The following BCL2L11 variants were observed in gnomAD, a reference collection of about 807,000 sequenced individuals.
BCL2L11 encodes bcl-2-like protein 11.
A neutral mutation model predicts 20.6 loss-of-function variants in BCL2L11; 15 were observed. The observed-to-expected ratio is 0.73, with a 90% confidence interval of 0.49 to 1.12. The LOEUF (loss-of-function observed/expected upper bound fraction) is 1.12, where lower values mean the gene tolerates loss of function less well. BCL2L11 is among the 50% of genes most tolerant of loss of function. The pLI is 0.00. For synonymous variants in BCL2L11, 108 were observed against 92.8 expected, an observed-to-expected ratio of 1.16 and a Z score of -0.94; for missense variants, 292 against 260.9, an observed-to-expected ratio of 1.12 and a Z score of -0.82.
Position 111,164,270 on chromosome 2 carries a change from T to C in BCL2L11, c.*39T>C. ...GAGCCGAGATACCATGCAGACATTT[T>C]GCTTGTTCAAACCAACAAGACCCAG... On this transcript the variant is annotated 3_prime_UTR_variant, in exon 4 of 4. Coordinates refer to ENST00000393256, the MANE Select transcript of BCL2L11 (RefSeq NM_138621.5). The C allele has an allele frequency of 6.7e-7, 1 of 1,493,526 alleles. No homozygotes were observed. Among genetic ancestry groups the C allele is most frequent in the Non-Finnish European group, 9.3e-7 (1 of 1,070,368 alleles). The allele number at this position is 1,493,526 out of a possible 1,614,324, so 92.5% of individuals were successfully genotyped here. A position where few individuals can be genotyped will look rare whatever the true frequency, so the allele number is the denominator to read the frequency against.
chr2:111,161,778 T>G (rs1409750103), intron 3 of BCL2L11, among the ~76,000 whole-genome samples: 1 of 152,226 alleles, frequency 6.6e-6, no homozygotes, highest in Non-Finnish European at 1.5e-5. Flanking sequence ...AAATTCCATC[T>G]TAGGGGGCTT....
rs113116718 is a variant in BCL2L11 at position 111,135,037 on chromosome 2, C to G, written c.394+10898C>G. ...TCAGCATCTTGAATCTGGAGTTTCA[C>G]GTTTTATGCCAGGTTTGGGAAGTTT... On this transcript the variant is annotated intron_variant, in intron 2 of 3. Coordinates refer to ENST00000393256, the MANE Select transcript of BCL2L11 (RefSeq NM_138621.5). Among the ~76,000 whole-genome samples the G allele has an allele frequency of 2.4e-3, 364 of 152,218 alleles. 1 individual carries two copies. The highest frequency in any genetic ancestry group is 0.022 in the South Asian group (108 of 4,822).
intron 3 of BCL2L11, among the ~76,000 whole-genome samples, chr2:111,156,465 C>A (rs1358321389): frequency 6.6e-6 from 1 of 152,156 alleles, no homozygotes; most frequent in African/African-American, 2.4e-5. Flanking sequence ...CTGGAGGAGG[C>A]AGCTCAGTGT....
In BCL2L11 at chr2:111,123,973, A is replaced by G; in HGVS notation, c.228A>G (p.Arg76=). ...PPASPGPFAT[R]SPLFIFMRRS... ...CCAGCCCTGGCCCTTTTGCTACCAG[A>G]TCCCCGCTTTTCATCTTTATGAGAA... The change falls in exon 2 of 4, where the codon AGA becomes AGG. Residue 76 remains arginine, a synonymous_variant. Transcript: ENST00000393256. 3 of 1,614,178 alleles carry G rather than the reference A, an allele frequency of 1.9e-6. No individual in the cohort carries two copies. The highest frequency in any genetic ancestry group is 2.5e-6 in the Non-Finnish European group (3 of 1,180,030).
At chr2:111,151,780 G>A (rs752883913) in intron 3 of BCL2L11, 11 of 1,442,088 alleles carry the variant, frequency 7.6e-6, no homozygotes, top group Non-Finnish European at 9.5e-7. Flanking sequence ...TGGGAAGTGT[G>A]ACATTGATGG....
intron 3 of BCL2L11, among the ~76,000 whole-genome samples, chr2:111,160,702 A>T (rs1372190754): frequency 8.5e-5 from 13 of 152,190 alleles, no homozygotes; most frequent in Admixed American, 8.5e-4. Context: ...GAGAGGAGAG[A>T]ACTGTAGTAT....
chr2:111,154,402 G>T (rs1575166563), intron 3 of BCL2L11, among the ~76,000 whole-genome samples: 2 of 151,466 alleles, frequency 1.3e-5, no homozygotes, highest in South Asian at 2.1e-4. Flanking sequence ...AAGAGCCAAT[G>T]TAGGATAATG....
intron 2 of BCL2L11, among the ~76,000 whole-genome samples, chr2:111,125,795 A>G (rs779607398): frequency 6.6e-6 from 1 of 152,144 alleles, no homozygotes; most frequent in Non-Finnish European, 1.5e-5. Context: ...GTCCCTCCTT[A>G]GGGAAAGGGG....
chr2:111,167,441 G>C lies in BCL2L11; in HGVS notation c.*3210G>C, dbSNP rs988023672. On this transcript the variant is annotated 3_prime_UTR_variant, in exon 4 of 4. Transcript: ENST00000393256. The stretch of plus-strand genomic sequence containing the variant: ...GCTTATCATGCAAGCAAATTTTGCT[G>C]ACTCCAGGCTTTATCTTTAGGAAAA... The C allele has an allele frequency of 1.3e-5, 2 of 152,288 alleles. No individual in the cohort carries two copies. The highest frequency in any genetic ancestry group is 4.8e-5 in the African/African-American group (2 of 41,446). 9.4% of individuals were successfully genotyped at this position (152,288 alleles called of 1,614,324 possible).
At chr2:111,143,180 T>G (rs548798655) in intron 2 of BCL2L11, among the ~76,000 whole-genome samples, 16 of 152,204 alleles carry the variant, frequency 1.1e-4, no homozygotes, top group Non-Finnish European at 2.4e-4. Flanking sequence ...GAAATGGAGC[T>G]GTGGCTGTCG....
chr2:111,127,380 C>T (rs1055927494), intron 2 of BCL2L11, among the ~76,000 whole-genome samples: 1 of 150,908 alleles, frequency 6.6e-6, no homozygotes, highest in Non-Finnish European at 1.5e-5. Flanking sequence ...TACTTGTTCC[C>T]TGGCACATTG....
intron 2 of BCL2L11, chr2:111,146,083 C>G: frequency 1.0e-6 from 1 of 984,352 alleles, no homozygotes; most frequent in Non-Finnish European, 1.2e-6. Flanking sequence ...TTTTATTGTG[C>G]TTTAAAAAAA....
rs1177918550 is a variant in BCL2L11 at position 111,167,398 on chromosome 2, T to A, written c.*3167T>A. 1 of 152,240 alleles carries A rather than the reference T, an allele frequency of 6.6e-6. No homozygotes were observed. The highest frequency in any genetic ancestry group is 1.5e-5 in the Non-Finnish European group (1 of 68,036). 9.4% of individuals were successfully genotyped at this position (152,240 alleles called of 1,614,324 possible). Reference sequence around the variant, plus strand: ...CCAAGAAATACCCAGCAACCTTCTGTTTGTTCCAAAGCAACTAGCTTATCA... The same window carrying A: ...CCAAGAAATACCCAGCAACCTTCTGATTGTTCCAAAGCAACTAGCTTATCA... On this transcript the variant is annotated 3_prime_UTR_variant, in exon 4 of 4. Transcript: ENST00000393256.
At chr2:111,144,851 A>C (rs2076292258) in intron 2 of BCL2L11, among the ~76,000 whole-genome samples, 1 of 152,154 alleles carries the variant, frequency 6.6e-6, no homozygotes, top group Non-Finnish European at 1.5e-5. Context: ...TGGAGAGTAA[A>C]GGTAGACAGC....
At chr2:111,122,501 G>T (rs530842383) in intron 1 of BCL2L11, among the ~76,000 whole-genome samples, 21 of 152,202 alleles carry the variant, frequency 1.4e-4, no homozygotes, top group African/African-American at 4.8e-4. Context: ...CGTAGGCGCC[G>T]CCCCCACCGC....
intron 3 of BCL2L11, among the ~76,000 whole-genome samples, chr2:111,160,119 G>A (rs1236292655): frequency 6.6e-6 from 1 of 152,198 alleles, no homozygotes; most frequent in Non-Finnish European, 1.5e-5. Context: ...CCTTCTGCCT[G>A]TTGGCCTTGC....
rs1039299406 is a variant in BCL2L11 at position 111,147,390 on chromosome 2, A to ACACC, written c.395-2653_395-2652insACCC. 7.7e-3 allele frequency among the ~76,000 whole-genome samples: 1,070 copies of ACACC among 138,260 alleles called. 9 individuals carry two copies. The highest frequency in any genetic ancestry group is 0.013 in the Non-Finnish European group (821 of 62,934). 90.7% of individuals were successfully genotyped at this position (138,260 alleles called of 152,430 possible). ...CACACACACACACACACACACACAC[A>ACACC]CCCGCCATTTCTCCCTGCCAGAGCT... On this transcript the variant is annotated intron_variant, in intron 2 of 3. Coordinates refer to ENST00000393256, the MANE Select transcript of BCL2L11 (RefSeq NM_138621.5).
Position 111,121,144 on chromosome 2 carries a change from T to G in BCL2L11, c.-58T>G. 1 of 259,000 alleles carries G rather than the reference T, an allele frequency of 3.9e-6. No homozygotes were observed. The highest frequency in any genetic ancestry group is 7.4e-6 in the Non-Finnish European group (1 of 136,006). The allele number at this position is 259,000 out of a possible 1,614,324, so 16.0% of individuals were successfully genotyped here. ...CCTCGGCGCCCTTTCTTGGCCCTTG[T>G]TCCCCCAAATGTCTGACTCTGACTC... On this transcript the variant is annotated 5_prime_UTR_variant, in exon 1 of 4. Coordinates refer to ENST00000393256, the MANE Select transcript of BCL2L11 (RefSeq NM_138621.5).
chr2:111,141,476 G>A (rs1240977056), intron 2 of BCL2L11, among the ~76,000 whole-genome samples: 1 of 139,522 alleles, frequency 7.2e-6, no homozygotes, highest in African/African-American at 2.7e-5. Flanking sequence ...AGATCACATG[G>A]ACACAGGAAG....
Sources: gnomAD v4.1 joint callset for allele counts (sites outside exome capture counted in the v4.1 genomes callset) on GRCh38, gnomAD v4.1.1 for gene constraint, MANE v1.5 for transcripts, NCBI Gene and HGNC (gene_info 2026-07-23, HGNC 2026-07-21) for gene names.